The following MCM2 variants were observed in gnomAD, a reference collection of about 807,000 sequenced individuals.
MCM2 encodes the protein DNA replication licensing factor MCM2.
Under a neutral mutation model 86.4 loss-of-function variants are expected in MCM2, and 49 were observed. The ratio of observed to expected loss-of-function variants is 0.57; its 90% CI spans 0.45 to 0.72. The LOEUF is 0.72. Among genes scored for constraint, MCM2 ranks in the 30% least tolerant of loss-of-function variants. MCM2 has a pLI of 0.00. For synonymous variants in MCM2, 475 were observed against 484.6 expected, an observed-to-expected ratio of 0.98 and a Z score of 0.26; for missense variants, 1,038 against 1,259.9, an observed-to-expected ratio of 0.82 and a Z score of 2.67.
At position 127,621,180 on chromosome 3, in the gene MCM2, G is replaced by A. The variant is rs190121900; in HGVS notation, c.2556G>A (p.Gly852=). 1.5e-4 allele frequency: 236 copies of A among 1,614,192 alleles called. 1 individual carries two copies. In the East Asian group the frequency reaches 4.8e-3, roughly 33 times the overall value. The change falls in exon 15 of 16, where the codon GGG becomes GGA. Residue 852 remains glycine (G), a synonymous_variant. Coordinates refer to ENST00000265056, the MANE Select transcript of MCM2 (RefSeq NM_004526.4). ...EQVTYQRNRF[G]AQQDTIEVPE... ...TGACATATCAGCGCAACCGCTTTGG[G>A]GCCCAGCAGGACACTATTGAGGTCC...
intron 15 of MCM2, 58 bp downstream of exon 15, chr3:127,621,286 T>C: frequency 1.9e-6 from 3 of 1,593,306 alleles, no homozygotes; most frequent in Non-Finnish European, 2.6e-6. Context: ...GCTGCCAGTC[T>C]CCTGATGGGG....
intron 4 of MCM2, 101 bp downstream of exon 4, chr3:127,605,257 A>G (rs1440750605): frequency 1.4e-6 from 2 of 1,467,842 alleles, no homozygotes; most frequent in Non-Finnish European, 1.9e-6. Context: ...CACAGGGCAT[A>G]TGGCTGAGAG....
intron 2 of MCM2, among the ~76,000 whole-genome samples, chr3:127,603,778 C>T (rs1270972216): frequency 6.6e-6 from 1 of 152,204 alleles, no homozygotes; most frequent in Non-Finnish European, 1.5e-5. Flanking sequence ...TCTCCTGCCT[C>T]AGCCTCTCGA....
rs2074368084 is a variant in MCM2, at chr3:127,608,572, G to A, written c.1236+56G>A. Reference sequence around the variant, plus strand: ...CAAGTTGCAGAGGGAACTGGCAGAAGCAGTTGTGGCTGGGCCGGTGGCGGT... The same window carrying A: ...CAAGTTGCAGAGGGAACTGGCAGAAACAGTTGTGGCTGGGCCGGTGGCGGT... On this transcript the variant is annotated intron_variant, in intron 7 of 15. Transcript: ENST00000265056. 2.5e-6 allele frequency: 4 copies of A among 1,605,208 alleles called. No individual in the cohort carries two copies. The Admixed American group carries it at 6.7e-5, about 27-fold the overall frequency.
intron 8 of MCM2, among the ~76,000 whole-genome samples, chr3:127,612,195 C>A (rs1399628698): frequency 6.6e-6 from 1 of 152,244 alleles, no homozygotes; most frequent in Non-Finnish European, 1.5e-5. Context: ...CCCAGGTTTA[C>A]CCCGTCCCCT....
In MCM2 at chr3:127,599,214, T is replaced by C. The variant is rs2074284254; in HGVS notation, c.7-104T>C. The C allele has an allele frequency of 7.7e-6, 7 of 908,078 alleles. No homozygotes were observed. The East Asian group carries it at 1.7e-4, about 22-fold the overall frequency. 56.3% of individuals were successfully genotyped at this position (908,078 alleles called of 1,614,324 possible). ...GGTTTGGTGTGTTGGAGGACAAGAGTCACAGGTGGAGAGAAAGAAGGGAAG... is the reference window on the plus strand; with the variant it reads ...GGTTTGGTGTGTTGGAGGACAAGAGCCACAGGTGGAGAGAAAGAAGGGAAG... On this transcript the variant is annotated intron_variant, in intron 1 of 15. Coordinates refer to ENST00000265056, the MANE Select transcript of MCM2 (RefSeq NM_004526.4).
In MCM2 at chr3:127,604,595, G is replaced by A. The variant is rs757829686; in HGVS notation, c.237-13G>A. The A allele has an allele frequency of 2.5e-6, 4 of 1,608,702 alleles. No homozygotes were observed. Among genetic ancestry groups the A allele is most frequent in the Non-Finnish European group, 3.4e-6 (4 of 1,176,812 alleles). ...TTTTGGCAGTAACCACATCTGTTTT[G>A]GTGCTCCCTCAGGGACTACCGCGCC... On this transcript the variant is annotated splice_polypyrimidine_tract_variant and intron_variant, in intron 2 of 15. Transcript: ENST00000265056.
In MCM2 at chr3:127,620,747, G is replaced by A. The variant is rs372194428; in HGVS notation, c.2315G>A (p.Arg772His). The A allele has an allele frequency of 8.7e-6, 14 of 1,612,768 alleles. No homozygotes were observed. The highest frequency in any genetic ancestry group is 4.0e-5 in the African/African-American group (3 of 74,930). The change falls in exon 14 of 16, where the codon CGC becomes CAC. Residue 772 changes from arginine to histidine, a missense_variant. Around this residue, in one of 4 missense-constraint regions of MCM2, gnomAD observed 336 missense variants for 425.7 expected, o/e 0.79. Transcript: ENST00000265056. ...GTGCGGCACATCGAGTCCATGATCC[G>A]CATGGCGGAGGCCCACGCGCGCATC... ...ITVRHIESMI[R>H]MAEAHARIHL...
chr3:127,615,169 G>A (rs11718485), intron 8 of MCM2, among the ~76,000 whole-genome samples: 8,123 of 152,246 alleles, frequency 0.053, 330 homozygotes, highest in Non-Finnish European at 0.083. Context: ...GAAGGATGTG[G>A]GTGTGGCCAG....
In MCM2 at chr3:127,604,676, T is replaced by C; in HGVS notation, c.305T>C (p.Val102Ala). The change falls in exon 3 of 16, where the codon GTA (valine) becomes GCA (alanine). Residue 102 changes from valine to alanine, a missense_variant. Val to Ala is a moderately conservative substitution (Grantham distance 64, BLOSUM62 0). This residue lies in a region of MCM2 where 300 missense variants were observed against 307.4 expected (regional missense o/e 0.98). Coordinates refer to ENST00000265056, the MANE Select transcript of MCM2 (RefSeq NM_004526.4). ...GGACTGGCTCTGGATGATGAGGACGTAGAGGAGCTGACGGCCAGTCAGAGG... is the reference window on the plus strand; with the variant it reads ...GGACTGGCTCTGGATGATGAGGACGCAGAGGAGCTGACGGCCAGTCAGAGG... ...AEGLALDDED[V>A]EELTASQREA... The C allele has an allele frequency of 6.2e-7, 1 of 1,612,814 alleles. No individual in the cohort carries two copies. Among genetic ancestry groups the C allele is most frequent in the Non-Finnish European group, 8.5e-7 (1 of 1,179,976 alleles).
chr3:127,612,954 G>A (rs958788850), intron 8 of MCM2, among the ~76,000 whole-genome samples: 13 of 152,282 alleles, frequency 8.5e-5, no homozygotes, highest in Admixed American at 6.5e-4. Flanking sequence ...CATGGAAAGC[G>A]CTGTTATTCC....
chr3:127,618,186 G>A lies in MCM2; in HGVS notation c.2013+105G>A. 3.6e-6 allele frequency: 3 copies of A among 842,784 alleles called. No homozygotes were observed. The highest frequency in any genetic ancestry group is 2.9e-5 in the South Asian group (2 of 68,986). 52.2% of individuals were successfully genotyped at this position (842,784 alleles called of 1,614,324 possible). A position where few individuals can be genotyped will look rare whatever the true frequency, so the allele number is the denominator to read the frequency against. The stretch of plus-strand genomic sequence containing the variant: ...AACACAGGGGACAGGTGCTGCAGGG[G>A]CCATAGGCTGTTTTCTAGTCCTGTT... On this transcript the variant is annotated intron_variant, in intron 12 of 15. Transcript: ENST00000265056. This position sits in a 1 kb window ranked among gnomAD's most constrained non-coding sequence, Gnocchi z 4.0.
chr3:127,600,188 G>A (rs1460511076), intron 2 of MCM2, among the ~76,000 whole-genome samples: 1 of 152,212 alleles, frequency 6.6e-6, no homozygotes, highest in African/African-American at 2.4e-5. Flanking sequence ...GGCTAAGGCA[G>A]GAGAATCACT....
At chr3:127,621,604 C>A in intron 15 of MCM2, 59 bp from the exon 16 acceptor site, 2 of 1,136,520 alleles carry the variant, frequency 1.8e-6, no homozygotes, top group Non-Finnish European at 2.7e-6. Context: ...AACTGGGGCG[C>A]TCTGGAAACA....
At chr3:127,605,842 G>A (rs9846807) in intron 4 of MCM2, among the ~76,000 whole-genome samples, 2,271 of 152,220 alleles carry the variant, frequency 0.015, 47 homozygotes, top group African/African-American at 0.049. Context: ...CTTGTAAGGC[G>A]TTTCATGTTT....
chr3:127,601,403 T>C (rs2074305569), intron 2 of MCM2, among the ~76,000 whole-genome samples: 1 of 152,194 alleles, frequency 6.6e-6, no homozygotes. Context: ...CTCTGTCGCT[T>C]AGGCTGCAGT....
chr3:127,608,458 C>G lies in MCM2; in HGVS notation c.1178C>G (p.Ser393Cys). ...GTGGCGGCTGGCCGGCTGCCCCGCTCCAAGGACGCCATTCTCCTCGCAGAT... is the reference window on the plus strand; with the variant it reads ...GTGGCGGCTGGCCGGCTGCCCCGCTGCAAGGACGCCATTCTCCTCGCAGAT... ...GKVAAGRLPR[S>C]KDAILLADLV... The change falls in exon 7 of 16, where the codon TCC becomes TGC. Residue 393 changes from serine (S) to cysteine (C), a missense_variant. Around this residue, in one of 4 missense-constraint regions of MCM2, gnomAD observed 399 missense variants for 507.2 expected, o/e 0.79. Transcript: ENST00000265056. The G allele has an allele frequency of 6.2e-7, 1 of 1,614,214 alleles. No individual in the cohort carries two copies. Among genetic ancestry groups the G allele is most frequent in the Non-Finnish European group, 8.5e-7 (1 of 1,180,046 alleles).
Position 127,616,829 on chromosome 3 carries a change from C to G in MCM2, c.1523-39C>G. 2.5e-6 allele frequency: 4 copies of G among 1,596,510 alleles called. No individual in the cohort carries two copies. In the South Asian group the frequency reaches 4.5e-5, roughly 18 times the overall value. ...AACTGTGCCCTCCTCCTCTCACTTC[C>G]CACTCTCCCCCTCCCCCGCTTCTAC... On this transcript the variant is annotated intron_variant, in intron 9 of 15. Transcript: ENST00000265056.
Position 127,620,802 on chromosome 3 carries a change from C to T in MCM2, c.2370C>T (p.Asp790=), listed in dbSNP as rs143447982. The stretch of plus-strand genomic sequence containing the variant: ...TGCGGGACTATGTGATCGAAGACGA[C>T]GTCAACATGGCCATCCGCGTGATGC... ...IHLRDYVIED[D]VNMAIRVMLE... The change falls in exon 14 of 16, where the codon GAC becomes GAT. Residue 790 remains aspartate, a synonymous_variant. Transcript: ENST00000265056. The T allele has an allele frequency of 6.6e-3, 10,707 of 1,614,102 alleles. 44 individuals are homozygous for T. Among genetic ancestry groups the T allele is most frequent in the Non-Finnish European group, 8.4e-3 (9,893 of 1,179,932 alleles).
Sources: allele counts gnomAD v4.1 joint callset (sites outside exome capture counted in the v4.1 genomes callset), GRCh38; gene constraint gnomAD v4.1.1; regional missense constraint gnomAD v4.1.1; non-coding constraint Gnocchi (gnomAD v3.1); transcripts MANE v1.5; gene names NCBI Gene and HGNC (gene_info 2026-07-23, HGNC 2026-07-21).